Variants in RFC3 observed in about 807,000 individuals in gnomAD.
The protein encoded by RFC3 is A1 38 kDa subunit.
RFC3 carries 41 observed loss-of-function variants against 45.1 expected under a neutral mutation model. That is an observed-to-expected ratio of 0.91 (90% CI 0.71 to 1.18). The LOEUF (loss-of-function observed/expected upper bound fraction) is 1.18. RFC3 is among the 50% of genes most tolerant of loss of function. The pLI is 0.00. For missense variants in RFC3, 423 were observed against 428.1 expected (o/e 0.99, Z 0.10); for synonymous variants, 149 against 144.0 (o/e 1.03, Z -0.25).
intron 8 of RFC3, chr13:33,965,994 A>G: frequency 1.1e-6 from 1 of 876,432 alleles, no homozygotes; most frequent in East Asian, 2.4e-5. Context: ...ATTACTTTGA[A>G]GTGTATTACA....
At chr13:33,951,039 C>T (rs1230019918) in intron 8 of RFC3, among the ~76,000 whole-genome samples, 10 of 60,822 alleles carry the variant, frequency 1.6e-4, no homozygotes, top group Admixed American at 4.6e-4. Context: ...TCTGATGGCT[C>T]TTTTTTTTTT....
chr13:33,843,189 C>G (rs1028503757), intron 8 of RFC3, among the ~76,000 whole-genome samples: 1 of 138,418 alleles, frequency 7.2e-6, no homozygotes, highest in Admixed American at 7.6e-5. Context: ...ACAGATTTCT[C>G]TAGCTATTTG....
intron 8 of RFC3, among the ~76,000 whole-genome samples, chr13:33,963,070 G>A (rs1180259413): frequency 1.3e-5 from 2 of 151,838 alleles, no homozygotes; most frequent in African/African-American, 4.8e-5. Context: ...ATTACCACAG[G>A]TTACCACTAA....
At chr13:33,960,318 A>T (rs2083048803) in intron 8 of RFC3, among the ~76,000 whole-genome samples, 1 of 152,304 alleles carries the variant, frequency 6.6e-6, no homozygotes, top group East Asian at 1.9e-4. Context: ...ACCTGAACAG[A>T]TATATGGCCT....
rs188891592 is a variant in RFC3, at chr13:33,897,138, C to A, written c.879+61921C>A. On this transcript the variant is annotated intron_variant, in intron 8 of 8. Transcript: ENST00000434425. ...AATACTGTAACTATAGTGTGCAATCCATTTATAACTCTAGTTTGAAACTCC... is the reference window on the plus strand; with the variant it reads ...AATACTGTAACTATAGTGTGCAATCAATTTATAACTCTAGTTTGAAACTCC... Among the ~76,000 whole-genome samples the A allele has an allele frequency of 8.5e-5, 13 of 152,110 alleles. 1 individual carries two copies. The East Asian group carries it at 2.5e-3, about 29-fold the overall frequency.
At chr13:33,835,380 G>A (rs1376966157) in intron 8 of RFC3, 163 bp downstream of exon 8, 3 of 741,050 alleles carry the variant, frequency 4.0e-6, no homozygotes, top group Non-Finnish European at 7.5e-6. Context: ...ACTATTAGAG[G>A]AATGCTGAAG....
At chr13:33,821,107 A>C (rs777905458) in intron 1 of RFC3, 25 bp from the exon 2 acceptor site, 2 of 1,612,660 alleles carry the variant, frequency 1.2e-6, no homozygotes, top group Non-Finnish European at 1.7e-6. Flanking sequence ...TGACTAGGGA[A>C]AAATGCCTTG....
intron 8 of RFC3, among the ~76,000 whole-genome samples, chr13:33,905,507 C>G (rs1053548207): frequency 1.3e-5 from 2 of 151,744 alleles, no homozygotes; most frequent in African/African-American, 4.8e-5. Flanking sequence ...AAATAAAAAT[C>G]TAAATGGCAA....
At chr13:33,905,398 G>A (rs760460959) in intron 8 of RFC3, among the ~76,000 whole-genome samples, 3 of 151,428 alleles carry the variant, frequency 2.0e-5, no homozygotes, top group Non-Finnish European at 4.4e-5. Flanking sequence ...AAACATCATC[G>A]CTGATTTCTT....
At chr13:33,829,761 T>C in intron 4 of RFC3, 75 bp from the exon 5 acceptor site, 2 of 1,136,932 alleles carry the variant, frequency 1.8e-6, no homozygotes, top group Non-Finnish European at 1.3e-6. Flanking sequence ...TCCTGGATAA[T>C]GAGAAGGAAG....
At chr13:33,874,466 C>T (rs560742138) in intron 8 of RFC3, among the ~76,000 whole-genome samples, 13 of 152,304 alleles carry the variant, frequency 8.5e-5, no homozygotes, top group African/African-American at 1.2e-4. Context: ...TACAGGCATG[C>T]GCCACCACGC....
Position 33,901,571 on chromosome 13 carries a change from T to C in RFC3, c.880-64516T>C, listed in dbSNP as rs141952926. On this transcript the variant is annotated intron_variant, in intron 8 of 8. Transcript: ENST00000434425. ...GGAAGGAAGGATGAAGAGAAGTTAATTAATTGGTACAAATATATGACCTGA... is the reference window on the plus strand; with the variant it reads ...GGAAGGAAGGATGAAGAGAAGTTAACTAATTGGTACAAATATATGACCTGA... Among the ~76,000 whole-genome samples, 981 of 152,058 alleles carry C rather than the reference T, an allele frequency of 6.5e-3. 9 individuals are homozygous for C. Among genetic ancestry groups the C allele is most frequent in the African/African-American group, 0.022 (931 of 41,508 alleles).
intron 8 of RFC3, among the ~76,000 whole-genome samples, chr13:33,856,440 AAAT>A (rs2082309399): frequency 6.6e-6 from 1 of 152,170 alleles, no homozygotes; most frequent in Non-Finnish European, 1.5e-5. Flanking sequence ...CCCATGACAC[AAAT>A]TTACCTATGT....
At position 33,898,237 on chromosome 13, in the gene RFC3, T is replaced by C. The variant is rs184351398; in HGVS notation, c.879+63020T>C. 7.2e-5 allele frequency among the ~76,000 whole-genome samples: 11 copies of C among 152,134 alleles called. No individual in the cohort carries two copies. The East Asian group carries it at 2.1e-3, about 29-fold the overall frequency. Reference sequence around the variant, plus strand: ...ATTCATCAGCACATAAAATATTCTCTGGAATAAACCATATCTTTAACCATT... The same window carrying C: ...ATTCATCAGCACATAAAATATTCTCCGGAATAAACCATATCTTTAACCATT... On this transcript the variant is annotated intron_variant, in intron 8 of 8. Coordinates refer to the RFC3 transcript ENST00000434425.
chr13:33,891,253 ATAG>A (rs2137634516), intron 8 of RFC3, among the ~76,000 whole-genome samples: 1 of 152,296 alleles, frequency 6.6e-6, no homozygotes, highest in East Asian at 1.9e-4. Flanking sequence ...GCAGAAAATC[ATAG>A]TAGGAATTCT....
intron 1 of RFC3, among the ~76,000 whole-genome samples, chr13:33,820,841 A>G (rs1308501328): frequency 4.0e-5 from 6 of 151,344 alleles, no homozygotes; most frequent in Non-Finnish European, 8.8e-5. Context: ...TGTATCTTGC[A>G]TGTGCTGTCA....
intron 8 of RFC3, among the ~76,000 whole-genome samples, chr13:33,929,716 CATAAT>C (rs1428405240): frequency 2.0e-5 from 3 of 152,016 alleles, no homozygotes; most frequent in African/African-American, 2.4e-5. Flanking sequence ...CAGTTGAACT[CATAAT>C]ATATTTTCAA....
chr13:33,820,849 T>C (rs2081995324), intron 1 of RFC3, among the ~76,000 whole-genome samples: 1 of 151,356 alleles, frequency 6.6e-6, no homozygotes, highest in African/African-American at 2.4e-5. Flanking sequence ...GCATGTGCTG[T>C]CACGTATATA....
At chr13:33,903,888 A>C (rs1048979625) in intron 8 of RFC3, among the ~76,000 whole-genome samples, 1 of 151,968 alleles carries the variant, frequency 6.6e-6, no homozygotes, top group Non-Finnish European at 1.5e-5. Context: ...TTGTCTTCCA[A>C]TTATGCACCT....
Sources: allele counts gnomAD v4.1 joint callset (sites outside exome capture counted in the v4.1 genomes callset), GRCh38; gene constraint gnomAD v4.1.1; transcripts MANE v1.5; gene names NCBI Gene and HGNC (gene_info 2026-07-23, HGNC 2026-07-21).